The following PLAGL1 variants were observed in gnomAD, a reference collection of about 807,000 sequenced individuals.
PLAGL1 encodes zinc finger protein PLAGL1.
A neutral mutation model predicts 4.6 loss-of-function variants in PLAGL1; 1 was observed. That is an observed-to-expected ratio of 0.22 (90% CI 0.08 to 1.03). The LOEUF is 1.03. PLAGL1 is among the 50% of genes least tolerant of loss of function. The pLI is 0.58. For synonymous variants in PLAGL1, 240 were observed against 237.8 expected, an observed-to-expected ratio of 1.01 and a Z score of -0.08; for missense variants, 464 against 570.4, an observed-to-expected ratio of 0.81 and a Z score of 1.90.
Position 144,034,084 on chromosome 6 carries a change from A to G in PLAGL1, c.-151+30384T>C, listed in dbSNP as rs765120881. On this transcript the variant is annotated intron_variant, in intron 1 of 3. Coordinates refer to the PLAGL1 transcript ENST00000437412. This position sits in a 1 kb window ranked among gnomAD's most constrained non-coding sequence, Gnocchi z 4.7. The stretch of plus-strand genomic sequence containing the variant: ...AGTACATATAAAACTGCAGACTTCA[A>G]TTTTCCTGGAGTCTTTTATACTGTT... 1.4e-3 allele frequency among the ~76,000 whole-genome samples: 213 copies of G among 152,192 alleles called. 1 individual carries two copies. The highest frequency in any genetic ancestry group is 1.8e-3 in the Non-Finnish European group (125 of 68,032).
chr6:143,993,897 T>C (rs1442011157), intron 1 of PLAGL1, among the ~76,000 whole-genome samples: 1 of 152,212 alleles, frequency 6.6e-6, no homozygotes. Context: ...TGGAGAGCAC[T>C]GTGCTGCCGA....
rs750460388 is a variant in PLAGL1 at position 143,948,039 on chromosome 6, T to G, written c.98A>C (p.Lys33Thr). The G allele has an allele frequency of 3.7e-6, 6 of 1,613,862 alleles. No homozygotes were observed. Among genetic ancestry groups the G allele is most frequent in the Non-Finnish European group, 5.1e-6 (6 of 1,179,834 alleles). The change falls in exon 7 of 8, where the codon AAG (lysine) becomes ACG (threonine). Residue 33 changes from lysine to threonine, a missense_variant. Transcript: ENST00000674357. The surrounding 1 kb of genome is among the most constrained non-coding windows in gnomAD (Gnocchi z 6.0). ...NYSHSRERPY[K>T]CVQPDCGKAF... ...TTTGCCACAGTCAGGCTGCACACAC[T>G]TGTACGGCCGCTCCCTGGAGTGGGA...
At chr6:144,029,171 T>C (rs540200479) in intron 1 of PLAGL1, among the ~76,000 whole-genome samples, 3 of 152,360 alleles carry the variant, frequency 2.0e-5, no homozygotes, top group East Asian at 1.9e-4. Flanking sequence ...TTTTTTAATT[T>C]ATAAAGAATG....
chr6:143,994,384 G>A lies in PLAGL1; in HGVS notation c.-583-9210C>T, dbSNP rs781585493. Among the ~76,000 whole-genome samples, 5 of 152,072 alleles carry A rather than the reference G, an allele frequency of 3.3e-5. No homozygotes were observed. The highest frequency in any genetic ancestry group is 2.0e-4 in the Admixed American group (3 of 15,278). On this transcript the variant is annotated intron_variant, in intron 1 of 7. Transcript: ENST00000674357. This position sits in a 1 kb window ranked among gnomAD's most constrained non-coding sequence, Gnocchi z 4.3. The stretch of plus-strand genomic sequence containing the variant: ...CTGAGAATATGAACATCTTTCCTCC[G>A]CTGTTTAAAAGCAATTTTCTAGATT...
chr6:144,056,707 C>A lies in PLAGL1; in HGVS notation c.-151+7761G>T, dbSNP rs1303163912. On this transcript the variant is annotated intron_variant, in intron 1 of 3. Transcript: ENST00000437412. The surrounding 1 kb of genome is among the most constrained non-coding windows in gnomAD (Gnocchi z 4.7). The stretch of plus-strand genomic sequence containing the variant: ...ATTTAGACAGGTTATCGCTGCTGCC[C>A]AGGCCAGAGTGCAGTGGCACAATCA... 6.6e-6 allele frequency among the ~76,000 whole-genome samples: 1 copy of A among 152,158 alleles called. No individual in the cohort carries two copies. The highest frequency in any genetic ancestry group is 6.5e-5 in the Admixed American group (1 of 15,270).
In PLAGL1 at chr6:144,036,701, G is replaced by T; in HGVS notation, c.-151+27767C>A. ...CTTCACTACTCAGGGACGAAAGAAA[G>T]AGGAAAGAATGGAAAAAGTGAAACT... On this transcript the variant is annotated intron_variant, in intron 1 of 3. Coordinates refer to the PLAGL1 transcript ENST00000437412. This position sits in a 1 kb window ranked among gnomAD's most constrained non-coding sequence, Gnocchi z 5.1. The T allele has an allele frequency of 3.7e-6, 1 of 271,036 alleles. No individual in the cohort carries two copies. The highest frequency in any genetic ancestry group is 7.1e-6 in the Non-Finnish European group (1 of 141,376). The allele number at this position is 271,036 out of a possible 1,614,324, so 16.8% of individuals were successfully genotyped here. A position where few individuals can be genotyped will look rare whatever the true frequency, so the allele number is the denominator to read the frequency against.
chr6:143,947,862 C>T lies in PLAGL1; in HGVS notation c.152+123G>A. 2.8e-6 allele frequency: 2 copies of T among 705,032 alleles called. No homozygotes were observed. Among genetic ancestry groups the T allele is most frequent in the Non-Finnish European group, 4.7e-6 (2 of 422,976 alleles). 43.7% of individuals were successfully genotyped at this position (705,032 alleles called of 1,614,324 possible). On this transcript the variant is annotated intron_variant, in intron 7 of 7. Coordinates refer to ENST00000674357, the MANE Select transcript of PLAGL1 (RefSeq NM_001317162.2). The surrounding 1 kb of genome is among the most constrained non-coding windows in gnomAD (Gnocchi z 4.3). ...ATCACTGGATGCAGATTTCAAGAAT[C>T]CCTCAAAGGCTAAAATGCATCCATA...
chr6:144,033,044 CAGT>C (rs1796949117), intron 1 of PLAGL1, among the ~76,000 whole-genome samples: 1 of 152,136 alleles, frequency 6.6e-6, no homozygotes, highest in Admixed American at 6.5e-5. Context: ...TAGCTGAACT[CAGT>C]AGTAGAGCCC....
intron 1 of PLAGL1, among the ~76,000 whole-genome samples, chr6:144,024,744 A>ACT (rs1796220364): frequency 6.6e-6 from 1 of 152,246 alleles, no homozygotes; most frequent in African/African-American, 2.4e-5. Context: ...TCAAAGGGAC[A>ACT]CGAGCCAACC....
rs887265078 is a variant in PLAGL1 at position 143,975,941 on chromosome 6, G to A, written c.-543-6963C>T. Among the ~76,000 whole-genome samples the A allele has an allele frequency of 1.5e-4, 23 of 152,182 alleles. 1 individual carries two copies. The highest frequency in any genetic ancestry group is 4.4e-5 in the Non-Finnish European group (3 of 68,036). On this transcript the variant is annotated intron_variant, in intron 2 of 7. Transcript: ENST00000674357. The surrounding 1 kb of genome is among the most constrained non-coding windows in gnomAD (Gnocchi z 5.8). ...GGGATATCTGTTGTCTGTAGATAGT[G>A]CTTTCATGTTTTCAAAGAACTAACA...
intron 1 of PLAGL1, among the ~76,000 whole-genome samples, chr6:144,058,013 C>A (rs1322806904): frequency 1.3e-5 from 2 of 152,132 alleles, no homozygotes; most frequent in Non-Finnish European, 2.9e-5. Context: ...GGTGTCATTT[C>A]CAAAATATCA....
chr6:143,985,982 TTATA>T lies in PLAGL1; in HGVS notation c.-583-812_-583-809del, dbSNP rs55768066. On this transcript the variant is annotated intron_variant, in intron 1 of 7. Transcript: ENST00000674357. This position sits in a 1 kb window ranked among gnomAD's most constrained non-coding sequence, Gnocchi z 4.4. ...TATATCAAATTATATATATATAAAA[TTATA>T]TATATATATATATATATATATATAT... Among the ~76,000 whole-genome samples, 494 of 111,576 alleles carry T rather than the reference TTATA, an allele frequency of 4.4e-3. 4 individuals carry two copies. The highest frequency in any genetic ancestry group is 0.016 in the African/African-American group (451 of 28,904). 73.2% of individuals were successfully genotyped at this position (111,576 alleles called of 152,430 possible).
In PLAGL1 at chr6:143,952,958, T is replaced by G. The variant is rs1781369547; in HGVS notation, c.-324-4498A>C. ...AAAGATGATATCCAGAACCTCCAGG[T>G]AGTCATGGCTGCCATGGCTGCAGAC... On this transcript the variant is annotated intron_variant, in intron 6 of 7. Coordinates refer to ENST00000674357, the MANE Select transcript of PLAGL1 (RefSeq NM_001317162.2). The surrounding 1 kb of genome is among the most constrained non-coding windows in gnomAD (Gnocchi z 6.1). 1.3e-5 allele frequency among the ~76,000 whole-genome samples: 2 copies of G among 152,200 alleles called. No homozygotes were observed. The highest frequency in any genetic ancestry group is 4.8e-5 in the African/African-American group (2 of 41,458).
intron 1 of PLAGL1, among the ~76,000 whole-genome samples, chr6:144,041,140 A>T (rs1381862205): frequency 6.6e-6 from 1 of 152,150 alleles, no homozygotes; most frequent in Non-Finnish European, 1.5e-5. Context: ...AGGAATAGTA[A>T]AAGCTAATAT....
Position 143,949,937 on chromosome 6 carries a change from T to A in PLAGL1, c.-324-1477A>T, listed in dbSNP as rs1050147586. On this transcript the variant is annotated intron_variant, in intron 6 of 7. Coordinates refer to ENST00000674357, the MANE Select transcript of PLAGL1 (RefSeq NM_001317162.2). The surrounding 1 kb of genome is among the most constrained non-coding windows in gnomAD (Gnocchi z 5.3). ...CTTTATTGTAATAACAGTTTAAACA[T>A]GTTTAAATATAGCATTATGTAGCAC... Among the ~76,000 whole-genome samples, 2 of 152,236 alleles carry A rather than the reference T, an allele frequency of 1.3e-5. No individual in the cohort carries two copies. Among genetic ancestry groups the A allele is most frequent in the African/African-American group, 4.8e-5 (2 of 41,464 alleles).
Position 143,995,265 on chromosome 6 carries a change from C to T in PLAGL1, c.-583-10091G>A, listed in dbSNP as rs1791375209. Among the ~76,000 whole-genome samples the T allele has an allele frequency of 6.6e-6, 1 of 152,126 alleles. No homozygotes were observed. Among genetic ancestry groups the T allele is most frequent in the African/African-American group, 2.4e-5 (1 of 41,422 alleles). Reference sequence around the variant, plus strand: ...ATCCTTAAAGTTAATTAATAAAAAGCTTAAACTTCAGTATTATGCAGATTA... The same window carrying T: ...ATCCTTAAAGTTAATTAATAAAAAGTTTAAACTTCAGTATTATGCAGATTA... On this transcript the variant is annotated intron_variant, in intron 1 of 7. Transcript: ENST00000674357. This position sits in a 1 kb window ranked among gnomAD's most constrained non-coding sequence, Gnocchi z 4.4.
Position 143,942,064 on chromosome 6 carries a change from C to T in PLAGL1, c.752G>A (p.Gly251Glu), listed in dbSNP as rs747145351. ...CTCAGCTGGCAAGCTACTTGCAAGC[C>T]CGTTCTGGGCAGAAGCTCCTAAAGG... ...PFPLGASAQN[G>E]LASSLPAEVH... The change falls in exon 8 of 8, where the codon GGG becomes GAG. Residue 251 changes from glycine (G) to glutamate (E), a missense_variant. Gly to Glu is a moderately conservative substitution (Grantham distance 98). Transcript: ENST00000674357. The surrounding 1 kb of genome is among the most constrained non-coding windows in gnomAD (Gnocchi z 7.6). 3.7e-6 allele frequency: 6 copies of T among 1,612,228 alleles called. No homozygotes were observed. Among genetic ancestry groups the T allele is most frequent in the Non-Finnish European group, 5.1e-6 (6 of 1,179,036 alleles).
At chr6:144,042,819 T>C (rs1029733757) in intron 1 of PLAGL1, among the ~76,000 whole-genome samples, 8 of 152,240 alleles carry the variant, frequency 5.3e-5, no homozygotes, top group African/African-American at 1.9e-4. Context: ...TGGAATGTTC[T>C]TCCATTTGTT....
At chr6:143,974,147 T>C (rs1473299842) in intron 2 of PLAGL1, among the ~76,000 whole-genome samples, 2 of 152,234 alleles carry the variant, frequency 1.3e-5, no homozygotes, top group East Asian at 1.9e-4. Flanking sequence ...AAATTCACCA[T>C]TGAATTCTGA....
Sources: allele counts gnomAD v4.1 joint callset (sites outside exome capture counted in the v4.1 genomes callset), GRCh38; gene constraint gnomAD v4.1.1; non-coding constraint Gnocchi (gnomAD v3.1); transcripts MANE v1.5; gene names NCBI Gene and HGNC (gene_info 2026-07-23, HGNC 2026-07-21).